The following MCFD2 variants were observed in gnomAD, a reference collection of about 807,000 sequenced individuals.
MCFD2 encodes multiple coagulation factor deficiency 2, ER cargo receptor complex subunit, also known as multiple coagulation factor deficiency protein 2.
A neutral mutation model predicts 12.8 loss-of-function variants in MCFD2; 11 were observed. That is an observed-to-expected ratio of 0.86 (90% confidence interval 0.54 to 1.42). The LOEUF is 1.42. Ranked by LOEUF, MCFD2 falls within the 40% of genes most tolerant of loss-of-function variation. MCFD2 has a pLI of 0.00. For synonymous variants in MCFD2, 70 were observed against 68.1 expected (o/e 1.03, Z -0.14); for missense variants, 191 against 178.6 (o/e 1.07, Z -0.40).
chr2:46,922,019 C>T (rs1378188115), intron 1 of MCFD2, among the ~76,000 whole-genome samples: 2 of 152,164 alleles, frequency 1.3e-5, no homozygotes, highest in African/African-American at 2.4e-5. Flanking sequence ...TAAAGACATA[C>T]TGGGAACGAT....
upstream of MCFD2, chr2:46,916,057 C>T (rs572847902): frequency 3.0e-6 from 3 of 985,442 alleles, no homozygotes; most frequent in Admixed American, 6.1e-5. Flanking sequence ...AGTTGCTAGG[C>T]AACGCCGGAA....
chr2:46,941,687 G>T lies in MCFD2; in HGVS notation c.-123C>A. ...ATGCCCGGCGGCGGAGGTAACAGGC[G>T]AGGCAGCCCGAGCGCAGCGTTCACC... On this transcript the variant is annotated 5_prime_UTR_variant, in exon 1 of 3. Coordinates refer to the MCFD2 transcript ENST00000409147. This position sits in a 1 kb window ranked among gnomAD's most constrained non-coding sequence, Gnocchi z 4.2. 6 of 1,551,258 alleles carry T rather than the reference G, an allele frequency of 3.9e-6. No individual in the cohort carries two copies. Among genetic ancestry groups the T allele is most frequent in the Non-Finnish European group, 5.2e-6 (6 of 1,147,654 alleles).
In MCFD2 at chr2:46,908,089, C is replaced by T. The variant is rs1417894081; in HGVS notation, c.150-120G>A. ...TCCAGCTCAGAAAAACAAACACCAG[C>T]AGTGGCAGACCACACTCAAGGATTA... On this transcript the variant is annotated intron_variant, in intron 2 of 3. Coordinates refer to ENST00000319466, the MANE Select transcript of MCFD2 (RefSeq NM_139279.6). This position sits in a 1 kb window ranked among gnomAD's most constrained non-coding sequence, Gnocchi z 4.5. The T allele has an allele frequency of 9.6e-7, 1 of 1,043,832 alleles. No homozygotes were observed. The highest frequency in any genetic ancestry group is 1.6e-5 in the African/African-American group (1 of 64,094). 64.7% of individuals were successfully genotyped at this position (1,043,832 alleles called of 1,614,324 possible). A position where few individuals can be genotyped will look rare whatever the true frequency, so the allele number is the denominator to read the frequency against.
chr2:46,919,568 G>C (rs1040238135), upstream of MCFD2, among the ~76,000 whole-genome samples: 4 of 152,176 alleles, frequency 2.6e-5, no homozygotes, highest in Non-Finnish European at 5.9e-5. Flanking sequence ...TAAGTTATTT[G>C]TGATTACTAT....
intron 1 of MCFD2, among the ~76,000 whole-genome samples, chr2:46,935,600 T>C (rs12712979): frequency 0.1 from 15,191 of 152,076 alleles, 831 homozygotes; most frequent in African/African-American, 0.12. Context: ...AATGTGTACA[T>C]TTACTTTTCT....
At position 46,941,474 on chromosome 2, in the gene MCFD2, C is replaced by T; in HGVS notation, c.-8+98G>A. 6.6e-7 allele frequency: 1 copy of T among 1,514,492 alleles called. No homozygotes were observed. Among genetic ancestry groups the T allele is most frequent in the Non-Finnish European group, 8.9e-7 (1 of 1,128,766 alleles). 93.8% of individuals were successfully genotyped at this position (1,514,492 alleles called of 1,614,324 possible). A position where few individuals can be genotyped will look rare whatever the true frequency, so the allele number is the denominator to read the frequency against. On this transcript the variant is annotated intron_variant, in intron 1 of 2. Transcript: ENST00000409147. The surrounding 1 kb of genome is among the most constrained non-coding windows in gnomAD (Gnocchi z 4.2). ...GACCCCGCCCGCGAGTGCGCCCCAG[C>T]CAGGACGCCGCCCCCGGCCGGGTCT...
At position 46,941,411 on chromosome 2, in the gene MCFD2, C is replaced by G; in HGVS notation, c.-8+161G>C. On this transcript the variant is annotated intron_variant, in intron 1 of 2. Coordinates refer to the MCFD2 transcript ENST00000409147. The surrounding 1 kb of genome is among the most constrained non-coding windows in gnomAD (Gnocchi z 4.2). ...CCACCCTCCGCCGCCCGGGCCCCCG[C>G]TGCCGCCCGGGCCCCGGCTGCCGTC... 2 of 877,104 alleles carry G rather than the reference C, an allele frequency of 2.3e-6. No individual in the cohort carries two copies. The highest frequency in any genetic ancestry group is 1.5e-6 in the Non-Finnish European group (1 of 687,740). 54.3% of individuals were successfully genotyped at this position (877,104 alleles called of 1,614,324 possible). A position where few individuals can be genotyped will look rare whatever the true frequency, so the allele number is the denominator to read the frequency against.
chr2:46,922,577 G>A (rs1459162974), intron 1 of MCFD2, among the ~76,000 whole-genome samples: 1 of 152,092 alleles, frequency 6.6e-6, no homozygotes, highest in Non-Finnish European at 1.5e-5. Flanking sequence ...AAGATATACA[G>A]CTTTACTGTG....
At chr2:46,917,385 T>C (rs375677195), upstream of MCFD2, 1 of 584,782 alleles carries the variant, frequency 1.7e-6, no homozygotes, top group African/African-American at 1.9e-5. Flanking sequence ...TTTGATCTAG[T>C]TCCTCCTTCT....
chr2:46,908,890 G>A lies in MCFD2; in HGVS notation c.149+133C>T. The A allele has an allele frequency of 8.4e-7, 1 of 1,196,056 alleles. No homozygotes were observed. Among genetic ancestry groups the A allele is most frequent in the East Asian group, 2.4e-5 (1 of 42,396 alleles). 74.1% of individuals were successfully genotyped at this position (1,196,056 alleles called of 1,614,324 possible). On this transcript the variant is annotated intron_variant, in intron 2 of 3. Transcript: ENST00000319466. The surrounding 1 kb of genome is among the most constrained non-coding windows in gnomAD (Gnocchi z 4.5). ...ACTTATAGGTGGCAATAAGGAATAA[G>A]AATCATCCTTGAAGAATGTCAAGGA...
At chr2:46,930,387 T>A (rs1016852763) in intron 1 of MCFD2, among the ~76,000 whole-genome samples, 9 of 150,104 alleles carry the variant, frequency 6.0e-5, no homozygotes, top group Non-Finnish European at 1.0e-4. Flanking sequence ...GATTTTATAA[T>A]TAACTTCATG....
At chr2:46,912,097 A>T (rs1163902969) in intron 1 of MCFD2, among the ~76,000 whole-genome samples, 1 of 152,168 alleles carries the variant, frequency 6.6e-6, no homozygotes, top group African/African-American at 2.4e-5. Flanking sequence ...ACACTTCGGG[A>T]GGCCGAGGCA....
At chr2:46,915,811 G>GCC (rs372282781), upstream of MCFD2, 15 of 333,008 alleles carry the variant, frequency 4.5e-5, no homozygotes, top group East Asian at 2.2e-3. Context: ...GCTTCGCCCC[G>GCC]CCCCCCCCCC....
chr2:46,918,626 G>A (rs1668942429), upstream of MCFD2, among the ~76,000 whole-genome samples: 1 of 152,220 alleles, frequency 6.6e-6, no homozygotes, highest in African/African-American at 2.4e-5. Flanking sequence ...GGTAGCCAGT[G>A]TTAAAAGACT....
intron 1 of MCFD2, among the ~76,000 whole-genome samples, chr2:46,923,422 G>A (rs1039320740): frequency 1.3e-5 from 2 of 152,218 alleles, no homozygotes; most frequent in Non-Finnish European, 2.9e-5. Flanking sequence ...TCACTGTGGA[G>A]TCTTTAAGGA....
rs527580110 is a variant in MCFD2, at chr2:46,911,628, A to G, written c.-6-2451T>C. 2.8e-4 allele frequency among the ~76,000 whole-genome samples: 42 copies of G among 152,094 alleles called. No individual in the cohort carries two copies. In the Middle Eastern group the frequency reaches 0.01, roughly 37 times the overall value. ...AGATTATCTTGAGACATGAGATTAG[A>G]ATTGTGATTTTCAGCCGGCATGGTG... On this transcript the variant is annotated intron_variant, in intron 1 of 3. Transcript: ENST00000319466.
In MCFD2 at chr2:46,941,443, C is replaced by T; in HGVS notation, c.-8+129G>A. The T allele has an allele frequency of 7.5e-7, 1 of 1,333,462 alleles. No homozygotes were observed. Among genetic ancestry groups the T allele is most frequent in the Non-Finnish European group, 9.8e-7 (1 of 1,025,150 alleles). 82.6% of individuals were successfully genotyped at this position (1,333,462 alleles called of 1,614,324 possible). Reference sequence around the variant, plus strand: ...CCGGGCCCCGGCTGCCGTCTGCGCCCCCGTCGACCCCGCCCGCGAGTGCGC... The same window carrying T: ...CCGGGCCCCGGCTGCCGTCTGCGCCTCCGTCGACCCCGCCCGCGAGTGCGC... On this transcript the variant is annotated intron_variant, in intron 1 of 2. Transcript: ENST00000409147. The surrounding 1 kb of genome is among the most constrained non-coding windows in gnomAD (Gnocchi z 4.2).
chr2:46,907,234 G>C lies in MCFD2; in HGVS notation c.309+576C>G. ...TTTAGGCACTGATTCTCATACTCTG[G>C]TGTGTAACAGAAATGCCTGTAGCAC... On this transcript the variant is annotated intron_variant, in intron 3 of 3. Transcript: ENST00000319466. This position sits in a 1 kb window ranked among gnomAD's most constrained non-coding sequence, Gnocchi z 4.1. 5.9e-6 allele frequency: 1 copy of C among 168,900 alleles called. No individual in the cohort carries two copies. Among genetic ancestry groups the C allele is most frequent in the Non-Finnish European group, 1.3e-5 (1 of 77,922 alleles). The allele number at this position is 168,900 out of a possible 1,614,324, so 10.5% of individuals were successfully genotyped here.
chr2:46,928,146 C>T (rs1328675978), intron 1 of MCFD2, among the ~76,000 whole-genome samples: 1 of 151,812 alleles, frequency 6.6e-6, no homozygotes, highest in Admixed American at 6.6e-5. Context: ...CCCACCTTAA[C>T]CTCCCAAAGT....
Sources: gnomAD v4.1 joint callset for allele counts (sites outside exome capture counted in the v4.1 genomes callset) on GRCh38, gnomAD v4.1.1 for gene constraint, Gnocchi (gnomAD v3.1) non-coding constraint, MANE v1.5 for transcripts, NCBI Gene and HGNC (gene_info 2026-07-23, HGNC 2026-07-21) for gene names.